KIF13A: variants seen among roughly 807,000 people sequenced by gnomAD.
KIF13A encodes kinesin family member 13A, also known as kinesin-like protein KIF13A.
Under a neutral mutation model 212.2 loss-of-function variants are expected in KIF13A, and 79 were observed. The observed-to-expected ratio is 0.37, with a 90% CI of 0.31 to 0.45. KIF13A has a LOEUF of 0.45. Ranked by LOEUF, KIF13A falls within the 20% of genes least tolerant of loss-of-function variation. The pLI, the probability that KIF13A is intolerant of heterozygous loss-of-function variation, is 1.00. For synonymous variants in KIF13A, 789 were observed against 808.6 expected, an observed-to-expected ratio of 0.98 and a Z score of 0.41; for missense variants, 1,901 against 2,209.0, an observed-to-expected ratio of 0.86 and a Z score of 2.79.
chr6:17,858,838 G>A (rs1164943703), intron 4 of KIF13A, among the ~76,000 whole-genome samples: 2 of 150,774 alleles, frequency 1.3e-5, no homozygotes, highest in Non-Finnish European at 3.0e-5. Flanking sequence ...GAGACTTCAA[G>A]AGTTGGCTAA....
rs1420668773 is a variant in KIF13A at position 17,764,901 on chromosome 6, G to T, written c.4627C>A (p.Leu1543Ile). The change falls in exon 39 of 39, where the codon CTA becomes ATA. Residue 1543 changes from leucine (L) to isoleucine (I), a missense_variant. Physicochemically the swap from Leu to Ile is conservative, Grantham distance 5. Transcript: ENST00000259711. The surrounding 1 kb of genome is among the most constrained non-coding windows in gnomAD (Gnocchi z 5.1). ...GGTACATAAGGCTGTGAACTTATTA[G>T]CTTCCTGTTAATAGCTTCCAGCTCA... ...ENELEAINRK[L>I]ISSQPYVPVE... is the part of the protein sequence containing the mutation. 1 of 1,613,498 alleles carries T rather than the reference G, an allele frequency of 6.2e-7. No homozygotes were observed. Among genetic ancestry groups the T allele is most frequent in the South Asian group, 1.1e-5 (1 of 90,960 alleles).
intron 2 of KIF13A, among the ~76,000 whole-genome samples, chr6:17,980,471 C>T (rs1780965881): frequency 6.6e-6 from 1 of 152,026 alleles, no homozygotes; most frequent in African/African-American, 2.4e-5. Context: ...TGGGAAACCC[C>T]TGGGAGGCAA....
At chr6:17,945,720 T>C (rs1159487781) in intron 2 of KIF13A, among the ~76,000 whole-genome samples, 4 of 152,156 alleles carry the variant, frequency 2.6e-5, no homozygotes, top group Non-Finnish European at 4.4e-5. Context: ...AATCCCAAAA[T>C]AGTTTTTAAT....
rs946261628 is a variant in KIF13A, at chr6:17,926,732, G to A, written c.147-28552C>T. Among the ~76,000 whole-genome samples, 2 of 152,144 alleles carry A rather than the reference G, an allele frequency of 1.3e-5. No individual in the cohort carries two copies. Among genetic ancestry groups the A allele is most frequent in the African/African-American group, 4.8e-5 (2 of 41,436 alleles). The stretch of plus-strand genomic sequence containing the variant: ...AGTGTAATAAGTGGAGAATGTTTAA[G>A]TATATTAGGATATATTCAGATGATA... On this transcript the variant is annotated intron_variant, in intron 2 of 38. Transcript: ENST00000259711. This position sits in a 1 kb window ranked among gnomAD's most constrained non-coding sequence, Gnocchi z 4.3.
chr6:17,860,566 CACACA>C (rs1768659423), intron 4 of KIF13A, among the ~76,000 whole-genome samples: 1 of 151,974 alleles, frequency 6.6e-6, no homozygotes, highest in African/African-American at 2.4e-5. Flanking sequence ...GAATGCCTGG[CACACA>C]ATAGGCATCT....
intron 2 of KIF13A, among the ~76,000 whole-genome samples, chr6:17,939,788 C>T (rs1776788363): frequency 6.6e-6 from 1 of 152,136 alleles, no homozygotes; most frequent in Admixed American, 6.5e-5. Flanking sequence ...CGTAGTGGCT[C>T]ACGCTTCTAA....
rs899223586 is a variant in KIF13A, at chr6:17,837,645, T to C, written c.831-62A>G. On this transcript the variant is annotated intron_variant, in intron 9 of 38. Transcript: ENST00000259711. This position sits in a 1 kb window ranked among gnomAD's most constrained non-coding sequence, Gnocchi z 5.4. ...GTTTATTTGGTTTAAGTATAAAATA[T>C]GCAGAACAATAAAGCTCCACAGTTA... 2.6e-5 allele frequency: 30 copies of C among 1,133,702 alleles called. No homozygotes were observed. Among genetic ancestry groups the C allele is most frequent in the Non-Finnish European group, 3.8e-5 (29 of 770,022 alleles). 70.2% of individuals were successfully genotyped at this position (1,133,702 alleles called of 1,614,324 possible). A position where few individuals can be genotyped will look rare whatever the true frequency, so the allele number is the denominator to read the frequency against.
chr6:17,930,506 A>G (rs1249645949), intron 2 of KIF13A, among the ~76,000 whole-genome samples: 8 of 152,266 alleles, frequency 5.3e-5, no homozygotes, highest in Non-Finnish European at 1.5e-5. Flanking sequence ...CAGGAAAAAC[A>G]GCATTCAGAA....
intron 3 of KIF13A, among the ~76,000 whole-genome samples, chr6:17,890,349 A>G (rs1771931627): frequency 6.6e-6 from 1 of 152,112 alleles, no homozygotes; most frequent in Non-Finnish European, 1.5e-5. Context: ...CAGGAAGGAA[A>G]GAAACTTGAC....
chr6:17,790,273 T>C (rs1004354655), intron 25 of KIF13A, among the ~76,000 whole-genome samples: 1 of 152,104 alleles, frequency 6.6e-6, no homozygotes, highest in African/African-American at 2.4e-5. Flanking sequence ...GATTTGGTAG[T>C]GTGCAACTGT....
chr6:17,853,390 G>A (rs1767845309), intron 6 of KIF13A, among the ~76,000 whole-genome samples: 2 of 152,136 alleles, frequency 1.3e-5, no homozygotes. Flanking sequence ...CTTGTACACT[G>A]CTGGTGGGGG....
chr6:17,974,920 A>T (rs1049058981), intron 2 of KIF13A, among the ~76,000 whole-genome samples: 9 of 152,234 alleles, frequency 5.9e-5, no homozygotes, highest in African/African-American at 2.2e-4. Context: ...TGGCTACCAC[A>T]TTGGACAGTG....
rs956326962 is a variant in KIF13A, at chr6:17,919,207, T to C, written c.147-21027A>G. Among the ~76,000 whole-genome samples the C allele has an allele frequency of 6.6e-6, 1 of 152,154 alleles. No individual in the cohort carries two copies. The highest frequency in any genetic ancestry group is 6.5e-5 in the Admixed American group (1 of 15,280). ...TTTAATAGTGAAAATTGCAAACACA[T>C]ACGAATGGAATGTGAACAGCATCAC... On this transcript the variant is annotated intron_variant, in intron 2 of 38. Coordinates refer to ENST00000259711, the MANE Select transcript of KIF13A (RefSeq NM_022113.6). This position sits in a 1 kb window ranked among gnomAD's most constrained non-coding sequence, Gnocchi z 4.1.
chr6:17,833,813 G>A (rs4712314), intron 12 of KIF13A, 148 bp downstream of exon 12: 6 of 475,458 alleles, frequency 1.3e-5, no homozygotes, highest in African/African-American at 4.3e-5. Flanking sequence ...TCGAGATCAC[G>A]CCACTGCACC....
chr6:17,869,375 G>A (rs184671016), intron 4 of KIF13A, among the ~76,000 whole-genome samples: 28 of 152,294 alleles, frequency 1.8e-4, no homozygotes, highest in Admixed American at 1.6e-3. Flanking sequence ...CATTAAGGCA[G>A]TGCTTCCTCC....
chr6:17,937,026 A>C (rs1776530127), intron 2 of KIF13A, among the ~76,000 whole-genome samples: 1 of 152,084 alleles, frequency 6.6e-6, no homozygotes, highest in Admixed American at 6.5e-5. Flanking sequence ...AAAAATACAA[A>C]AATTTGCTTG....
intron 2 of KIF13A, among the ~76,000 whole-genome samples, chr6:17,906,185 G>A (rs1312064463): frequency 6.6e-6 from 1 of 152,172 alleles, no homozygotes. Context: ...AACATGTGAA[G>A]AAGCTGATTC....
rs1764918387 is a variant in KIF13A at position 17,825,840 on chromosome 6, C to T, written c.1714G>A (p.Ala572Thr). The change falls in exon 16 of 39, where the codon GCT becomes ACT. Residue 572 changes from alanine to threonine, a missense_variant. By Grantham distance (58) the Ala-to-Thr change is moderately conservative. Transcript: ENST00000259711. This position sits in a 1 kb window ranked among gnomAD's most constrained non-coding sequence, Gnocchi z 4.5. Reference sequence around the variant, plus strand: ...TAGTTATAGTCTGGTTCAGAGGAAGCCTCACTGGCTGCATCCAGGTCATGC... The same window carrying T: ...TAGTTATAGTCTGGTTCAGAGGAAGTCTCACTGGCTGCATCCAGGTCATGC... Reference protein sequence around the residue: ...PEHDLDAASEASSEPDYNYEF... With the variant: ...PEHDLDAASETSSEPDYNYEF... 1.2e-6 allele frequency: 2 copies of T among 1,613,834 alleles called. No homozygotes were observed. The highest frequency in any genetic ancestry group is 1.3e-5 in the African/African-American group (1 of 74,930).
In KIF13A at chr6:17,886,653, C is replaced by T. The variant is rs1460302968; in HGVS notation, c.159+11515G>A. Among the ~76,000 whole-genome samples the T allele has an allele frequency of 2.0e-5, 3 of 151,990 alleles. No homozygotes were observed. The highest frequency in any genetic ancestry group is 4.8e-5 in the African/African-American group (2 of 41,374). On this transcript the variant is annotated intron_variant, in intron 3 of 38. Coordinates refer to ENST00000259711, the MANE Select transcript of KIF13A (RefSeq NM_022113.6). The surrounding 1 kb of genome is among the most constrained non-coding windows in gnomAD (Gnocchi z 5.6). ...GAGAACATTTGGTTCTGAACAAAGT[C>T]GGGCAGAAGGAAAGGGGAGAGTAGA...
Sources: allele counts gnomAD v4.1 joint callset (sites outside exome capture counted in the v4.1 genomes callset), GRCh38; gene constraint gnomAD v4.1.1; non-coding constraint Gnocchi (gnomAD v3.1); transcripts MANE v1.5; gene names NCBI Gene and HGNC (gene_info 2026-07-23, HGNC 2026-07-21).